ZDHHC14: variants seen among roughly 807,000 people sequenced by gnomAD.
The protein encoded by ZDHHC14 is palmitoyltransferase ZDHHC14.
Under a neutral mutation model 47.7 loss-of-function variants are expected in ZDHHC14, and 16 were observed. That is an observed-to-expected ratio of 0.34 (90% CI 0.23 to 0.51). The LOEUF (loss-of-function observed/expected upper bound fraction) is 0.51. Ranked by LOEUF, ZDHHC14 falls within the 20% of genes least tolerant of loss-of-function variation. The probability of loss-of-function intolerance (pLI) is 0.97; values close to 1 mark genes in which losing one functional copy is unlikely to be tolerated. For synonymous variants in ZDHHC14, 293 were observed against 278.9 expected (o/e 1.05, Z -0.50); for missense variants, 515 against 662.5 (o/e 0.78, Z 2.44).
At chr6:157,554,547 A>T (rs1023941208) in intron 2 of ZDHHC14, among the ~76,000 whole-genome samples, 20 of 152,214 alleles carry the variant, frequency 1.3e-4, no homozygotes, top group Non-Finnish European at 5.9e-5. Context: ...TTCAGTTCAG[A>T]CTAGCCACAC....
At chr6:157,458,849 A>ATTTTTTTTTTTTTTTTTT (rs750975822) in intron 1 of ZDHHC14, among the ~76,000 whole-genome samples, 822 of 81,152 alleles carry the variant, frequency 0.01, 106 homozygotes, top group East Asian at 0.026. Flanking sequence ...ATGTGGGTGG[A>ATTTTTTTTTTTTTTTTTT]TTTTTTTTTT....
chr6:157,381,901 A>C lies in ZDHHC14; in HGVS notation c.-121A>C. The C allele has an allele frequency of 4.8e-6, 4 of 829,034 alleles. No homozygotes were observed. Among genetic ancestry groups the C allele is most frequent in the Non-Finnish European group, 5.7e-6 (4 of 697,194 alleles). The allele number at this position is 829,034 out of a possible 1,614,324, so 51.4% of individuals were successfully genotyped here. On this transcript the variant is annotated 5_prime_UTR_variant, in exon 1 of 9. The change abolishes the stop of an existing upstream ORF in the 5' untranslated region. Coordinates refer to ENST00000359775, the MANE Select transcript of ZDHHC14 (RefSeq NM_024630.3). ...TTGTCGCCGAGCCGGGAGCCCGTGT[A>C]GGGGCCGCGGCGCCGCGGCTCGGGG... is the stretch of plus-strand genomic sequence containing the variant.
chr6:157,509,774 TA>T (rs1267596032), intron 1 of ZDHHC14, among the ~76,000 whole-genome samples: 6 of 152,154 alleles, frequency 3.9e-5, no homozygotes, highest in Non-Finnish European at 7.4e-5. Flanking sequence ...TCATAATCTT[TA>T]AAAAAATATA....
intron 5 of ZDHHC14, among the ~76,000 whole-genome samples, chr6:157,633,335 G>A (rs1373203554): frequency 1.3e-5 from 2 of 152,114 alleles, no homozygotes; most frequent in Non-Finnish European, 2.9e-5. Context: ...TCGGATTACT[G>A]TATTATTTCC....
At chr6:157,664,503 G>A (rs1012538481) in intron 8 of ZDHHC14, among the ~76,000 whole-genome samples, 1 of 152,186 alleles carries the variant, frequency 6.6e-6, no homozygotes, top group Non-Finnish European at 1.5e-5. Flanking sequence ...TGTTTCGTTA[G>A]TACAGATCTG....
In ZDHHC14 at chr6:157,386,418, C is replaced by G. The variant is rs146347682; in HGVS notation, c.245+4152C>G. 4.2e-3 allele frequency among the ~76,000 whole-genome samples: 647 copies of G among 152,268 alleles called. 13 individuals carry two copies. Among genetic ancestry groups the G allele is most frequent in the Admixed American group, 0.038 (579 of 15,296 alleles). ...GTGAGTCCAGGGAACCTCTGTGAAGCTGTGGCTTTGCTGTTACCCATTCAG... is the reference window on the plus strand; with the variant it reads ...GTGAGTCCAGGGAACCTCTGTGAAGGTGTGGCTTTGCTGTTACCCATTCAG... On this transcript the variant is annotated intron_variant, in intron 1 of 8. Transcript: ENST00000359775.
At chr6:157,444,490 G>A (rs1427560251) in intron 1 of ZDHHC14, among the ~76,000 whole-genome samples, 3 of 151,968 alleles carry the variant, frequency 2.0e-5, no homozygotes, top group Admixed American at 6.6e-5. Context: ...CCAGCCTGAC[G>A]AACATGGTGA....
At chr6:157,534,278 G>A (rs779319853) in intron 1 of ZDHHC14, among the ~76,000 whole-genome samples, 2 of 152,198 alleles carry the variant, frequency 1.3e-5, no homozygotes, top group Non-Finnish European at 2.9e-5. Context: ...GGCTTGCCCT[G>A]ACGATGCCTT....
At chr6:157,633,310 G>T (rs1016472247) in intron 5 of ZDHHC14, among the ~76,000 whole-genome samples, 3 of 152,164 alleles carry the variant, frequency 2.0e-5, no homozygotes, top group East Asian at 1.9e-4. Context: ...TCTGTTGGGG[G>T]TTACAGTTTG....
At chr6:157,616,478 A>G (rs1277496899) in intron 3 of ZDHHC14, among the ~76,000 whole-genome samples, 1 of 152,136 alleles carries the variant, frequency 6.6e-6, no homozygotes, top group African/African-American at 2.4e-5. Flanking sequence ...CACCCCAGGG[A>G]GATGCCAGGC....
intron 1 of ZDHHC14, among the ~76,000 whole-genome samples, chr6:157,404,011 C>G (rs1171428819): frequency 5.3e-5 from 8 of 152,250 alleles, no homozygotes; most frequent in Non-Finnish European, 4.4e-5. Flanking sequence ...GCTTACTTAA[C>G]CCACACACTT....
chr6:157,613,106 G>A (rs1257735250), intron 3 of ZDHHC14, among the ~76,000 whole-genome samples: 1 of 152,158 alleles, frequency 6.6e-6, no homozygotes, highest in Non-Finnish European at 1.5e-5. Context: ...ATGACTCATG[G>A]TGTCTTTAGG....
intron 1 of ZDHHC14, among the ~76,000 whole-genome samples, chr6:157,445,516 A>T (rs2114796765): frequency 6.6e-6 from 1 of 152,298 alleles, no homozygotes; most frequent in Non-Finnish European, 1.5e-5. Context: ...CTTGGGTTAG[A>T]GAGGCCTCTC....
At chr6:157,589,913 T>C (rs1017964916) in intron 2 of ZDHHC14, among the ~76,000 whole-genome samples, 1 of 152,176 alleles carries the variant, frequency 6.6e-6, no homozygotes, top group African/African-American at 2.4e-5. Context: ...TTGAATGGCT[T>C]TGACCAAAAT....
chr6:157,484,415 CAT>C (rs1562444014), intron 1 of ZDHHC14, among the ~76,000 whole-genome samples: 2 of 142,286 alleles, frequency 1.4e-5, no homozygotes, highest in Admixed American at 1.4e-4. Flanking sequence ...TATGTATACA[CAT>C]ATACATATAT....
intron 1 of ZDHHC14, among the ~76,000 whole-genome samples, chr6:157,465,068 G>C (rs549160222): frequency 5.5e-5 from 8 of 145,100 alleles, no homozygotes; most frequent in African/African-American, 2.1e-4. Flanking sequence ...CCTACCCTGT[G>C]ACATTCTAAA....
intron 1 of ZDHHC14, among the ~76,000 whole-genome samples, chr6:157,482,699 C>T (rs41372249): frequency 0.046 from 7,031 of 151,842 alleles, 202 homozygotes; most frequent in Non-Finnish European, 0.055. Context: ...GCTGTCTTCT[C>T]GAGTCTGAAT....
chr6:157,468,863 T>A (rs561791055), intron 1 of ZDHHC14, among the ~76,000 whole-genome samples: 1 of 152,340 alleles, frequency 6.6e-6, no homozygotes, highest in South Asian at 2.1e-4. Flanking sequence ...GTGAAAAATT[T>A]GACGCTCAGA....
chr6:157,397,161 A>G (rs1484232840), intron 1 of ZDHHC14, among the ~76,000 whole-genome samples: 2 of 152,214 alleles, frequency 1.3e-5, no homozygotes, highest in African/African-American at 2.4e-5. Context: ...GCTTCCCTGA[A>G]TGGGAGCCCC....
Sources: allele counts gnomAD v4.1 joint callset (sites outside exome capture counted in the v4.1 genomes callset), GRCh38; gene constraint gnomAD v4.1.1; transcripts MANE v1.5; gene names NCBI Gene and HGNC (gene_info 2026-07-23, HGNC 2026-07-21).